The following DPYD variants were observed in gnomAD, a reference collection of about 807,000 sequenced individuals.
DPYD encodes dihydropyrimidine dehydrogenase, also known as dihydropyrimidine dehydrogenase [NADP(+)].
A neutral mutation model predicts 116.2 loss-of-function variants in DPYD; 109 were observed. The observed-to-expected ratio is 0.94, with a 90% CI of 0.80 to 1.10. The LOEUF is 1.10. Ranked by LOEUF, DPYD falls within the 50% of genes least tolerant of loss-of-function variation. DPYD has a pLI of 0.00. For synonymous variants in DPYD, 440 were observed against 432.0 expected, an observed-to-expected ratio of 1.02 and a Z score of -0.23; for missense variants, 1,302 against 1,254.5, an observed-to-expected ratio of 1.04 and a Z score of -0.57.
chr1:97,339,952 T>G (rs1398352153), intron 16 of DPYD, among the ~76,000 whole-genome samples: 1 of 152,046 alleles, frequency 6.6e-6, no homozygotes, highest in African/African-American at 2.4e-5. Flanking sequence ...GGAGTAGAGA[T>G]TCAGGAGTAA....
In DPYD at chr1:97,416,493, T is replaced by C. The variant is rs542092395; in HGVS notation, c.1905+33566A>G. On this transcript the variant is annotated intron_variant, in intron 14 of 22. Transcript: ENST00000370192. ...CTTCTCTCATTTTTAACTTTGAAAA[T>C]GCTATTCTGTTTTAGTTCCAAGGTA... Among the ~76,000 whole-genome samples the C allele has an allele frequency of 3.9e-5, 6 of 152,302 alleles. No homozygotes were observed. In the South Asian group the frequency reaches 1.2e-3, roughly 32 times the overall value.
intron 2 of DPYD, among the ~76,000 whole-genome samples, chr1:97,857,821 C>T (rs939022808): frequency 2.0e-5 from 3 of 152,022 alleles, no homozygotes; most frequent in African/African-American, 7.2e-5. Context: ...CGACTTGATA[C>T]TAGTGTCTGA....
intron 2 of DPYD, among the ~76,000 whole-genome samples, chr1:97,852,040 A>G (rs1470921638): frequency 6.7e-6 from 1 of 149,832 alleles, no homozygotes; most frequent in East Asian, 1.9e-4. Flanking sequence ...AAAAAAAAAG[A>G]AAGAAAGAAA....
chr1:97,091,061 A>G (rs1250829987), intron 21 of DPYD, among the ~76,000 whole-genome samples: 1 of 152,226 alleles, frequency 6.6e-6, no homozygotes, highest in Non-Finnish European at 1.5e-5. Flanking sequence ...TTATTGTTGC[A>G]TTCCCAACCA....
intron 8 of DPYD, among the ~76,000 whole-genome samples, chr1:97,621,390 C>T (rs942673484): frequency 7.9e-5 from 12 of 151,892 alleles, no homozygotes; most frequent in Admixed American, 3.9e-4. Context: ...CAATGGTCTA[C>T]GTGGTGATGA....
At chr1:97,530,167 C>A (rs1452936320) in intron 12 of DPYD, among the ~76,000 whole-genome samples, 2 of 148,504 alleles carry the variant, frequency 1.3e-5, no homozygotes, top group African/African-American at 5.0e-5. Flanking sequence ...TTTTTTAAGT[C>A]TGACTAATAT....
intron 18 of DPYD, among the ~76,000 whole-genome samples, chr1:97,247,367 A>C (rs1487304003): frequency 2.0e-5 from 3 of 152,198 alleles, no homozygotes; most frequent in Non-Finnish European, 4.4e-5. Context: ...GAGCATGAGG[A>C]TATGGAGCAA....
chr1:97,229,892 GATA>G (rs1393425984), intron 19 of DPYD, among the ~76,000 whole-genome samples: 2 of 152,086 alleles, frequency 1.3e-5, no homozygotes, highest in Non-Finnish European at 2.9e-5. Flanking sequence ...GAGCTAAAGA[GATA>G]ATGATTTCTT....
At chr1:97,828,081 T>G in intron 3 of DPYD, 33 bp downstream of exon 3, 1 of 1,593,552 alleles carries the variant, frequency 6.3e-7, no homozygotes, top group Non-Finnish European at 8.6e-7. Flanking sequence ...CTTTACCACA[T>G]CTGTGACTGT....
At chr1:97,584,428 G>T (rs1382721541) in intron 10 of DPYD, among the ~76,000 whole-genome samples, 1 of 151,976 alleles carries the variant, frequency 6.6e-6, no homozygotes, top group Non-Finnish European at 1.5e-5. Flanking sequence ...GATCCTATTT[G>T]TCAATTTTGG....
intron 15 of DPYD, 77 bp from the exon 16 acceptor site, chr1:97,373,721 C>G: frequency 7.9e-7 from 1 of 1,268,524 alleles, no homozygotes; most frequent in Non-Finnish European, 1.1e-6. Context: ...GTTGATAACA[C>G]AAGTCACATT....
chr1:97,345,494 T>G (rs180742851), intron 16 of DPYD, among the ~76,000 whole-genome samples: 3 of 151,978 alleles, frequency 2.0e-5, no homozygotes, highest in Admixed American at 2.0e-4. Flanking sequence ...AAATTTCATT[T>G]TGAAAACACA....
At chr1:97,190,623 T>C (rs1433510309) in intron 20 of DPYD, among the ~76,000 whole-genome samples, 3 of 152,168 alleles carry the variant, frequency 2.0e-5, no homozygotes, top group African/African-American at 4.8e-5. Flanking sequence ...AACACCCAAC[T>C]ACCTGCCCTT....
intron 18 of DPYD, among the ~76,000 whole-genome samples, chr1:97,242,122 GTGTATATATATATATATATATATATA>G (rs1353401587): frequency 4.7e-4 from 34 of 71,590 alleles, no homozygotes; most frequent in Admixed American, 1.7e-3. Flanking sequence ...GTGTGTGCGT[GTGTATATATATATATATATATATATA>G]TATATATATA....
At chr1:97,116,994 C>CA (rs397784957) in intron 20 of DPYD, among the ~76,000 whole-genome samples, 22,174 of 107,018 alleles carry the variant, frequency 0.21, 2,117 homozygotes, top group East Asian at 0.34. Flanking sequence ...ACTAAAAATA[C>CA]AAAAAAAAAA....
intron 14 of DPYD, among the ~76,000 whole-genome samples, chr1:97,416,080 T>G (rs1017884797): frequency 2.6e-5 from 4 of 152,202 alleles, no homozygotes; most frequent in Non-Finnish European, 4.4e-5. Flanking sequence ...CCAATAATAT[T>G]AATGCTTAAG....
chr1:97,317,059 C>T (rs867275366), intron 16 of DPYD, among the ~76,000 whole-genome samples: 1 of 151,934 alleles, frequency 6.6e-6, no homozygotes, highest in Non-Finnish European at 1.5e-5. Flanking sequence ...ACCTCCAAAT[C>T]TTCTACATTA....
chr1:97,295,564 G>C (rs574164762), intron 18 of DPYD: 1 of 156,616 alleles, frequency 6.4e-6, no homozygotes, highest in Non-Finnish European at 1.4e-5. Flanking sequence ...AGGAGTAGCT[G>C]GGACTACAGG....
chr1:97,759,571 T>G (rs939442285), intron 3 of DPYD, among the ~76,000 whole-genome samples: 5 of 152,176 alleles, frequency 3.3e-5, no homozygotes, highest in African/African-American at 1.2e-4. Context: ...AAGCAAATTT[T>G]TGTTTATTAT....
Sources: gnomAD v4.1 joint callset for allele counts (sites outside exome capture counted in the v4.1 genomes callset) on GRCh38, gnomAD v4.1.1 for gene constraint, MANE v1.5 for transcripts, NCBI Gene and HGNC (gene_info 2026-07-23, HGNC 2026-07-21) for gene names.